Variants in SCHIP1 observed in about 807,000 individuals in gnomAD.
The protein encoded by SCHIP1 is schwannomin-interacting protein 1.
A neutral mutation model predicts 29.7 loss-of-function variants in SCHIP1; 8 were observed. That is an observed-to-expected ratio of 0.27 (90% CI 0.16 to 0.49). SCHIP1 has a LOEUF of 0.49. Ranked by LOEUF, SCHIP1 falls within the 20% of genes least tolerant of loss-of-function variation. The probability of loss-of-function intolerance (pLI) is 0.99; values close to 1 mark genes in which losing one functional copy is unlikely to be tolerated. For synonymous variants in SCHIP1, 76 were observed against 94.9 expected, an observed-to-expected ratio of 0.80 and a Z score of 1.16; for missense variants, 193 against 294.6, an observed-to-expected ratio of 0.66 and a Z score of 2.52.
At chr3:159,840,001 C>T (rs1185927335) in exon 1 of SCHIP1, 71 of 1,431,894 alleles carry the variant, frequency 5.0e-5, no homozygotes, top group Admixed American at 2.0e-4. Context: ...GCTAGCTGCG[C>T]GCTTCCCGGC....
the SCHIP1 span, among the ~76,000 whole-genome samples, chr3:159,430,533 C>G: frequency 1.3e-5 from 2 of 152,006 alleles, no homozygotes; most frequent in Non-Finnish European, 2.9e-5. Flanking sequence ...ACTGGAGGTT[C>G]CTTGGGGCAT....
chr3:159,786,387 A>G, the SCHIP1 span, among the ~76,000 whole-genome samples: 2 of 152,368 alleles, frequency 1.3e-5, no homozygotes, highest in East Asian at 3.8e-4. Flanking sequence ...AATGAAATTA[A>G]AAGATACTTT....
At chr3:159,492,918 C>A in the SCHIP1 span, among the ~76,000 whole-genome samples, 1 of 152,200 alleles carries the variant, frequency 6.6e-6, no homozygotes, top group Non-Finnish European at 1.5e-5. Context: ...AGAAACTCTA[C>A]AAGCCAGAAG....
the SCHIP1 span, among the ~76,000 whole-genome samples, chr3:159,424,092 A>G: frequency 2.0e-5 from 3 of 146,932 alleles, no homozygotes; most frequent in South Asian, 2.3e-4. Flanking sequence ...AAAGATGGGG[A>G]AAAAACAGAG....
Position 159,860,920 on chromosome 3 carries a change from G to A in SCHIP1, c.31-5243G>A, listed in dbSNP as rs913116360. Among the ~76,000 whole-genome samples, 8 of 152,046 alleles carry A rather than the reference G, an allele frequency of 5.3e-5. No individual in the cohort carries two copies. In the East Asian group the frequency reaches 7.7e-4, roughly 15 times the overall value. ...CCTCTTGGTCTGACAGGCCCTTTCC[G>A]GCTCTGTGGGTTTCATCATCTGTGC... On this transcript the variant is annotated intron_variant, in intron 1 of 6. Transcript: ENST00000445224.
chr3:159,474,073 T>A, the SCHIP1 span, among the ~76,000 whole-genome samples: 1 of 152,154 alleles, frequency 6.6e-6, no homozygotes, highest in South Asian at 2.1e-4. Flanking sequence ...ATTTCTTATC[T>A]TTTTATTAAG....
the SCHIP1 span, among the ~76,000 whole-genome samples, chr3:159,406,434 C>A: frequency 6.6e-6 from 1 of 152,148 alleles, no homozygotes; most frequent in Non-Finnish European, 1.5e-5. Flanking sequence ...CCCAGACAAA[C>A]AAAAGCTGAG....
At chr3:159,552,061 CAG>C in the SCHIP1 span, among the ~76,000 whole-genome samples, 1 of 89,686 alleles carries the variant, frequency 1.1e-5, no homozygotes, top group South Asian at 3.7e-4. Flanking sequence ...TTTTTTGAAA[CAG>C]AGTCTCACTC....
At chr3:159,304,257 T>G in the SCHIP1 span, among the ~76,000 whole-genome samples, 1 of 152,326 alleles carries the variant, frequency 6.6e-6, no homozygotes, top group South Asian at 2.1e-4. Context: ...TGCATAGTCT[T>G]TATAACCATC....
At chr3:159,273,700 A>G in the SCHIP1 span, 10 of 1,499,090 alleles carry the variant, frequency 6.7e-6, no homozygotes, top group Non-Finnish European at 8.9e-6. Context: ...AGTGTGTGTT[A>G]TAGAAATTTT....
the SCHIP1 span, among the ~76,000 whole-genome samples, chr3:159,552,350 T>C: frequency 1.3e-5 from 2 of 152,090 alleles, no homozygotes; most frequent in Admixed American, 6.5e-5. Context: ...CCGGCCCACA[T>C]TGCATTTTAA....
chr3:159,703,233 C>G, the SCHIP1 span, among the ~76,000 whole-genome samples: 2 of 152,192 alleles, frequency 1.3e-5, no homozygotes, highest in Admixed American at 1.3e-4. Flanking sequence ...CAAGGAGCAT[C>G]CCAGCGCACT....
At chr3:159,491,307 A>G in the SCHIP1 span, among the ~76,000 whole-genome samples, 1 of 152,246 alleles carries the variant, frequency 6.6e-6, no homozygotes, top group African/African-American at 2.4e-5. Context: ...AGGGCGAGGC[A>G]TCGCCTCACC....
At chr3:159,487,058 A>G in the SCHIP1 span, among the ~76,000 whole-genome samples, 1 of 152,180 alleles carries the variant, frequency 6.6e-6, no homozygotes, top group Non-Finnish European at 1.5e-5. Context: ...GGCACCTTCA[A>G]CAGAGCAGAG....
At chr3:159,347,103 A>G in the SCHIP1 span, among the ~76,000 whole-genome samples, 1 of 152,146 alleles carries the variant, frequency 6.6e-6, no homozygotes, top group Non-Finnish European at 1.5e-5. Flanking sequence ...ACAAATATAT[A>G]TGCTTCATAT....
the SCHIP1 span, among the ~76,000 whole-genome samples, chr3:159,405,545 A>G: frequency 5.3e-5 from 8 of 152,342 alleles, no homozygotes; most frequent in Admixed American, 2.6e-4. Context: ...AATTGGTCAC[A>G]CAGAGGAAAG....
chr3:159,484,496 A>C, the SCHIP1 span, among the ~76,000 whole-genome samples: 7 of 152,176 alleles, frequency 4.6e-5, no homozygotes, highest in Non-Finnish European at 8.8e-5. Context: ...TGACACCATA[A>C]GTTTTTCTAA....
At chr3:159,769,458 T>G in the SCHIP1 span, among the ~76,000 whole-genome samples, 4 of 152,212 alleles carry the variant, frequency 2.6e-5, no homozygotes, top group Non-Finnish European at 5.9e-5. Context: ...TCTTTAAAAA[T>G]AGCTTTATTG....
chr3:159,288,514 G>C, the SCHIP1 span, among the ~76,000 whole-genome samples: 9 of 152,138 alleles, frequency 5.9e-5, no homozygotes, highest in African/African-American at 2.2e-4. Flanking sequence ...GGGGCGGGCG[G>C]ATCATCTGAG....
Sources: allele counts gnomAD v4.1 joint callset (sites outside exome capture counted in the v4.1 genomes callset), GRCh38; gene constraint gnomAD v4.1.1; transcripts MANE v1.5; gene names NCBI Gene and HGNC (gene_info 2026-07-23, HGNC 2026-07-21).